Variants in ANKMY1 observed in about 807,000 individuals in gnomAD.
The protein encoded by ANKMY1 is ankyrin repeat and MYND domain containing 1.
A neutral mutation model predicts 102.0 loss-of-function variants in ANKMY1; 98 were observed. The ratio of observed to expected loss-of-function variants is 0.96; its 90% confidence interval spans 0.82 to 1.14. The LOEUF (loss-of-function observed/expected upper bound fraction) is 1.14. Among genes scored for constraint, ANKMY1 ranks in the 50% most tolerant of loss-of-function variants. The pLI is 0.00. For missense variants in ANKMY1, 1,330 were observed against 1,347.6 expected, an observed-to-expected ratio of 0.99 and a Z score of 0.20; for synonymous variants, 582 against 559.9, an observed-to-expected ratio of 1.04 and a Z score of -0.56.
chr2:240,482,164 A>C lies in ANKMY1; in HGVS notation c.2885+19T>G. 6 of 1,611,174 alleles carry C rather than the reference A, an allele frequency of 3.7e-6. No individual in the cohort carries two copies. Among genetic ancestry groups the C allele is most frequent in the Middle Eastern group, 1.7e-4 (1 of 6,056 alleles). On this transcript the variant is annotated intron_variant, in intron 16 of 17. Transcript: ENST00000401804. ...CAGGCTGCCATCCTGGAAAGAACCCAGCCTGCAGACACACTTACTGCCCCT... is the reference window on the plus strand; with the variant it reads ...CAGGCTGCCATCCTGGAAAGAACCCCGCCTGCAGACACACTTACTGCCCCT...
chr2:240,500,653 C>T, intron 13 of ANKMY1, 88 bp from the exon 14 acceptor site: 1 of 1,137,030 alleles, frequency 8.8e-7, no homozygotes. Flanking sequence ...GCCATGGTCA[C>T]CTGCAGTCCC....
intron 4 of ANKMY1, among the ~76,000 whole-genome samples, chr2:240,542,518 A>AG (rs1261794673): frequency 6.6e-6 from 1 of 151,888 alleles, no homozygotes; most frequent in East Asian, 1.9e-4. Context: ...AAAAAAAAAA[A>AG]TCAAACTGCC....
intron 4 of ANKMY1, among the ~76,000 whole-genome samples, chr2:240,539,202 G>A (rs1250109915): frequency 5.9e-5 from 9 of 152,222 alleles, no homozygotes; most frequent in Admixed American, 4.6e-4. Context: ...TCCGCACTGC[G>A]TTTATGAGCT....
chr2:240,500,323 G>A (rs2152035932), intron 14 of ANKMY1, 129 bp downstream of exon 14: 1 of 1,179,234 alleles, frequency 8.5e-7, no homozygotes, highest in Non-Finnish European at 1.2e-6. Flanking sequence ...CTGCAGCCAA[G>A]GGGCTGCTCT....
chr2:240,512,799 C>T lies in ANKMY1; in HGVS notation c.2145+3G>A, dbSNP rs554801056. On this transcript the variant is annotated splice_donor_region_variant and intron_variant, in intron 10 of 17. Transcript: ENST00000401804. Reference sequence around the variant, plus strand: ...ACCCCTATCCAGGTCGCGAGGTACACACCTTGCCGGGCTTGTAAGTGTCGT... The same window carrying T: ...ACCCCTATCCAGGTCGCGAGGTACATACCTTGCCGGGCTTGTAAGTGTCGT... 7 of 1,613,356 alleles carry T rather than the reference C, an allele frequency of 4.3e-6. 1 individual carries two copies. Among genetic ancestry groups the T allele is most frequent in the South Asian group, 3.3e-5 (3 of 90,970 alleles).
chr2:240,471,283 A>C, the ANKMY1 span, among the ~76,000 whole-genome samples: 2 of 144,972 alleles, frequency 1.4e-5, no homozygotes, highest in Non-Finnish European at 1.5e-5. Context: ...TTTTTGAGAC[A>C]GAGTATCTGT....
chr2:240,494,494 C>T (rs1039700951), intron 15 of ANKMY1, among the ~76,000 whole-genome samples: 1 of 152,166 alleles, frequency 6.6e-6, no homozygotes, highest in Non-Finnish European at 1.5e-5. Flanking sequence ...CTTCCTAGCC[C>T]CTACTGTGGG....
chr2:240,476,306 T>C (rs563585892), downstream of ANKMY1, among the ~76,000 whole-genome samples: 1 of 152,256 alleles, frequency 6.6e-6, no homozygotes, highest in East Asian at 1.9e-4. Flanking sequence ...AGAGAGAAAT[T>C]GGACCCTTAT....
intron 6 of ANKMY1, 78 bp from the exon 7 acceptor site, chr2:240,525,927 C>A (rs2083287418): frequency 2.0e-6 from 3 of 1,527,910 alleles, no homozygotes; most frequent in Non-Finnish European, 1.8e-6. Flanking sequence ...TGTCCTGATG[C>A]CCTCATGAGG....
chr2:240,500,401 T>G (rs2077979987), intron 14 of ANKMY1, 51 bp downstream of exon 14: 1 of 1,549,508 alleles, frequency 6.5e-7, no homozygotes, highest in Non-Finnish European at 8.9e-7. Context: ...CCGGGGGCCC[T>G]GCACGTGACC....
rs1424537080 is a variant in ANKMY1 at position 240,554,866 on chromosome 2, C to T, written c.336G>A (p.Glu112=). 2 of 1,614,000 alleles carry T rather than the reference C, an allele frequency of 1.2e-6. No homozygotes were observed. The highest frequency in any genetic ancestry group is 1.3e-5 in the African/African-American group (1 of 74,934). The change falls in exon 3 of 18, where the codon GAG becomes GAA. Residue 112 remains glutamate, a splice_region_variant and synonymous_variant. Coordinates refer to ENST00000401804, the MANE Select transcript of ANKMY1 (RefSeq NM_001282771.3). The part of the protein sequence containing the change: ...GYGKFSWPTG[E]SYHGQFYRDH... ...GCGGAGAAAGTGTGGAAGCAGTTAC[C>T]TCGCCTGTGGGCCAAGAGAATTTGC...
At chr2:240,513,038 A>G in intron 9 of ANKMY1, 96 bp from the exon 10 acceptor site, 1 of 1,485,866 alleles carries the variant, frequency 6.7e-7, no homozygotes, top group South Asian at 1.3e-5. Flanking sequence ...GAAATGGCTG[A>G]GACTCCAAGG....
At chr2:240,496,348 CTAATTAGAT>C (rs1247627172) in intron 15 of ANKMY1, among the ~76,000 whole-genome samples, 1 of 140,482 alleles carries the variant, frequency 7.1e-6, no homozygotes, top group Non-Finnish European at 1.5e-5. Context: ...TTCTGGTACT[CTAATTAGAT>C]AGATAGATAG....
intron 15 of ANKMY1, among the ~76,000 whole-genome samples, chr2:240,493,775 C>T (rs935120589): frequency 6.6e-6 from 1 of 152,098 alleles, no homozygotes; most frequent in African/African-American, 2.4e-5. Context: ...GAGTGGTGTA[C>T]ACTGGCACTT....
intron 15 of ANKMY1, among the ~76,000 whole-genome samples, chr2:240,486,870 C>G (rs985251248): frequency 6.6e-6 from 1 of 152,200 alleles, no homozygotes; most frequent in Middle Eastern, 3.4e-3. Context: ...CTCTAACAAC[C>G]CTCCATTGCA....
chr2:240,551,748 C>T (rs143366961), intron 4 of ANKMY1, among the ~76,000 whole-genome samples: 2 of 152,314 alleles, frequency 1.3e-5, no homozygotes, highest in African/African-American at 4.8e-5. Flanking sequence ...GAAAGACCCA[C>T]AACCTGATTC....
At chr2:240,514,185 T>C (rs1435540079) in intron 9 of ANKMY1, among the ~76,000 whole-genome samples, 1 of 152,084 alleles carries the variant, frequency 6.6e-6, no homozygotes, top group Non-Finnish European at 1.5e-5. Flanking sequence ...GCTGAGGAAA[T>C]TCCCCAAAAC....
intron 11 of ANKMY1, among the ~76,000 whole-genome samples, chr2:240,510,367 G>A (rs2079943631): frequency 6.6e-6 from 1 of 150,638 alleles, no homozygotes; most frequent in African/African-American, 2.4e-5. Context: ...TCCTCCCTGG[G>A]AACCCCTCTG....
intron 17 of ANKMY1, 47 bp downstream of exon 17, chr2:240,480,890 C>T (rs746263113): frequency 1.1e-5 from 17 of 1,583,424 alleles, no homozygotes; most frequent in Non-Finnish European, 1.5e-5. Flanking sequence ...CGCCTTCGCC[C>T]TCAGCAGCAG....
Sources: gnomAD v4.1 joint callset for allele counts (sites outside exome capture counted in the v4.1 genomes callset) on GRCh38, gnomAD v4.1.1 for gene constraint, MANE v1.5 for transcripts, NCBI Gene and HGNC (gene_info 2026-07-23, HGNC 2026-07-21) for gene names.